TNIK: variants seen among roughly 807,000 people sequenced by gnomAD.
TNIK encodes TRAF2 and NCK-interacting protein kinase.
A neutral mutation model predicts 191.3 loss-of-function variants in TNIK; 49 were observed. The ratio of observed to expected loss-of-function variants is 0.26; its 90% CI spans 0.20 to 0.32. The LOEUF (loss-of-function observed/expected upper bound fraction) is 0.32. Ranked by LOEUF, TNIK falls within the 10% of genes least tolerant of loss-of-function variation. The pLI is 1.00. For missense variants in TNIK, 1,155 were observed against 1,702.3 expected (o/e 0.68, Z 5.66); for synonymous variants, 594 against 600.9 (o/e 0.99, Z 0.17).
chr3:171,208,474 G>A (rs1444782619), intron 4 of TNIK, among the ~76,000 whole-genome samples: 4 of 152,136 alleles, frequency 2.6e-5, no homozygotes, highest in South Asian at 2.1e-4. Context: ...AAGTTACTAC[G>A]TATTTTTTCC....
chr3:171,230,253 C>T (rs774809609), intron 2 of TNIK, among the ~76,000 whole-genome samples: 36 of 152,102 alleles, frequency 2.4e-4, no homozygotes, highest in Non-Finnish European at 4.4e-4. Flanking sequence ...TCTGTGATGC[C>T]GTAATGATGA....
intron 2 of TNIK, among the ~76,000 whole-genome samples, chr3:171,301,466 C>T (rs879616066): frequency 2.0e-5 from 3 of 152,110 alleles, no homozygotes; most frequent in African/African-American, 4.8e-5. Flanking sequence ...ATGTATACAC[C>T]GCCATGCCTG....
chr3:171,062,128 G>A lies in TNIK; in HGVS notation c.*1753C>T, dbSNP rs1166624060. The A allele has an allele frequency of 1.3e-5, 2 of 152,106 alleles. No individual in the cohort carries two copies. The highest frequency in any genetic ancestry group is 2.9e-5 in the Non-Finnish European group (2 of 68,038). 9.4% of individuals were successfully genotyped at this position (152,106 alleles called of 1,614,324 possible). ...TTTCGTTCTCATTAATAGTACATCA[G>A]CTGCTTGTGTATTTAGGCAAAGTCA... On this transcript the variant is annotated 3_prime_UTR_variant, in exon 33 of 33. Coordinates refer to ENST00000436636, the MANE Select transcript of TNIK (RefSeq NM_015028.4).
chr3:171,349,400 C>A (rs1487151341), intron 2 of TNIK, among the ~76,000 whole-genome samples: 5 of 152,094 alleles, frequency 3.3e-5, no homozygotes, highest in African/African-American at 9.7e-5. Flanking sequence ...CAAAGAGAGG[C>A]AGATGATTGA....
At chr3:171,259,661 G>C (rs1247249554) in intron 2 of TNIK, among the ~76,000 whole-genome samples, 1 of 152,180 alleles carries the variant, frequency 6.6e-6, no homozygotes, top group African/African-American at 2.4e-5. Context: ...CAACGGTAAA[G>C]AATTAATAGA....
intron 7 of TNIK, among the ~76,000 whole-genome samples, chr3:171,183,296 G>A (rs1229617967): frequency 6.6e-6 from 1 of 152,218 alleles, no homozygotes; most frequent in Admixed American, 6.5e-5. Flanking sequence ...AGGGAGGACA[G>A]CTGACTCCTA....
At chr3:171,445,763 A>G (rs750067232) in intron 1 of TNIK, among the ~76,000 whole-genome samples, 7 of 152,206 alleles carry the variant, frequency 4.6e-5, no homozygotes, top group Non-Finnish European at 1.5e-5. Flanking sequence ...GCATTTCTTT[A>G]TGATGTATCC....
At chr3:171,219,145 TATAAAA>T (rs1741950409) in intron 3 of TNIK, among the ~76,000 whole-genome samples, 1 of 134,044 alleles carries the variant, frequency 7.5e-6, no homozygotes, top group African/African-American at 2.7e-5. Context: ...AAATATATAT[TATAAAA>T]TATATAATAC....
At chr3:171,164,974 TCC>T (rs1375018472) in intron 10 of TNIK, among the ~76,000 whole-genome samples, 1 of 152,186 alleles carries the variant, frequency 6.6e-6, no homozygotes, top group Admixed American at 6.5e-5. Context: ...TTCCTTCAAG[TCC>T]CTGCTAGCTG....
intron 24 of TNIK, 105 bp from the exon 25 acceptor site, chr3:171,085,334 G>T: frequency 1.8e-6 from 2 of 1,082,038 alleles, no homozygotes; most frequent in South Asian, 1.8e-5. Flanking sequence ...ATTCTTCAAG[G>T]TATTCAGGTG....
At position 171,138,229 on chromosome 3, in the gene TNIK, C is replaced by T. The variant is rs1730311279; in HGVS notation, c.1570G>A (p.Gly524Arg). 1 of 1,612,230 alleles carries T rather than the reference C, an allele frequency of 6.2e-7. No individual in the cohort carries two copies. Among genetic ancestry groups the T allele is most frequent in the African/African-American group, 1.3e-5 (1 of 74,830 alleles). Residue 524 changes from glycine to arginine, a missense_variant, in exon 15 of 33, where the codon GGA becomes AGA. Coordinates refer to ENST00000436636, the MANE Select transcript of TNIK (RefSeq NM_015028.4). The part of the protein sequence containing the change: ...EKKPLYHYKE[G>R]MSPSEKPAWA... ...GCTGGCTTCTCACTAGGACTCATTC[C>T]TTCTTTGTAATGGTACAGTGGCTTC...
chr3:171,456,547 T>A (rs992730107), intron 1 of TNIK, among the ~76,000 whole-genome samples: 13 of 152,204 alleles, frequency 8.5e-5, no homozygotes, highest in Admixed American at 6.5e-4. Context: ...TACTGACCCC[T>A]TGAGACATGC....
chr3:171,305,787 A>G (rs1203438207), intron 2 of TNIK, among the ~76,000 whole-genome samples: 1 of 152,192 alleles, frequency 6.6e-6, no homozygotes, highest in Non-Finnish European at 1.5e-5. Flanking sequence ...TAGTTCAGCC[A>G]TTGTGGAAAG....
intron 4 of TNIK, among the ~76,000 whole-genome samples, chr3:171,202,886 T>C (rs1298853430): frequency 6.6e-6 from 1 of 152,230 alleles, no homozygotes; most frequent in African/African-American, 2.4e-5. Flanking sequence ...TAAAAATTTC[T>C]GCTCACAAAT....
At chr3:171,079,763 A>G (rs1011101244) in intron 27 of TNIK, 111 bp from the exon 28 acceptor site, 23 of 1,123,306 alleles carry the variant, frequency 2.0e-5, no homozygotes, top group Admixed American at 9.2e-5. Context: ...GTGTGTGTGT[A>G]TGAAGGCATA....
intron 11 of TNIK, among the ~76,000 whole-genome samples, chr3:171,160,034 C>A (rs1179622715): frequency 6.6e-6 from 1 of 152,202 alleles, no homozygotes; most frequent in East Asian, 1.9e-4. Flanking sequence ...TTTGGGTAAG[C>A]TTTTGAACAC....
chr3:171,340,235 G>C (rs1757382974), intron 2 of TNIK, among the ~76,000 whole-genome samples: 2 of 152,182 alleles, frequency 1.3e-5, no homozygotes, highest in South Asian at 4.1e-4. Flanking sequence ...GTTGGACTAT[G>C]AGTGATTAAG....
Position 171,093,915 on chromosome 3 carries a change from G to A in TNIK, c.2645C>T (p.Thr882Met), listed in dbSNP as rs779588262. Residue 882 changes from threonine (T) to methionine (M), a missense_variant, in exon 23 of 33, where the codon ACG (threonine) becomes ATG (methionine). Thr to Met is a moderately conservative substitution (Grantham distance 81). Around this residue, in one of 3 missense-constraint regions of TNIK, gnomAD observed 735 missense variants for 848.0 expected, o/e 0.87. Transcript: ENST00000436636. ...NEQYNVGMVGTHGLETSHADS... is the reference protein window; with the variant it reads ...NEQYNVGMVGMHGLETSHADS... ...CGCATGAGAGGTCTCCAGCCCATGC[G>A]TCCCCACCATTCCCACATTGTACTG... 5.1e-5 allele frequency: 82 copies of A among 1,613,654 alleles called. No individual in the cohort carries two copies. The highest frequency in any genetic ancestry group is 6.3e-5 in the Non-Finnish European group (74 of 1,179,844).
chr3:171,356,319 T>C lies in TNIK; in HGVS notation c.123+13301A>G, dbSNP rs1577610327. Among the ~76,000 whole-genome samples the C allele has an allele frequency of 2.0e-5, 3 of 152,138 alleles. No homozygotes were observed. The East Asian group carries it at 5.8e-4, about 29-fold the overall frequency. On this transcript the variant is annotated intron_variant, in intron 2 of 32. Coordinates refer to ENST00000436636, the MANE Select transcript of TNIK (RefSeq NM_015028.4). Reference sequence around the variant, plus strand: ...CACAGATGTATTTTATATTGTAAAATGTAAGTAGCCCAAGGTATGCCGCTT... The same window carrying C: ...CACAGATGTATTTTATATTGTAAAACGTAAGTAGCCCAAGGTATGCCGCTT...
Sources: gnomAD v4.1 joint callset for allele counts (sites outside exome capture counted in the v4.1 genomes callset) on GRCh38, gnomAD v4.1.1 for gene constraint, gnomAD v4.1.1 regional missense constraint, MANE v1.5 for transcripts, NCBI Gene and HGNC (gene_info 2026-07-23, HGNC 2026-07-21) for gene names.